Variants in LRMDA observed in about 807,000 individuals in gnomAD.
The protein encoded by LRMDA is leucine-rich melanocyte differentiation-associated protein.
Under a neutral mutation model 29.8 loss-of-function variants are expected in LRMDA, and 18 were observed. The observed-to-expected ratio is 0.60, with a 90% CI of 0.42 to 0.90. LRMDA has a LOEUF of 0.90. Among genes scored for constraint, LRMDA ranks in the 40% least tolerant of loss-of-function variants. The pLI is 0.00. For synonymous variants in LRMDA, 125 were observed against 109.4 expected (o/e 1.14, Z -0.89); for missense variants, 273 against 273.9 (o/e 1.00, Z 0.02).
At position 76,232,682 on chromosome 10, in the gene LRMDA, G is replaced by A. The variant is rs570178958; in HGVS notation, c.517-91719G>A. ...ACGGCCTAAGTCTGGCTTACACACT[G>A]GTTCCCGAGTTCTTGTCTTGCACCC... On this transcript the variant is annotated intron_variant, in intron 5 of 6. Transcript: ENST00000611255. 2.0e-5 allele frequency among the ~76,000 whole-genome samples: 3 copies of A among 152,288 alleles called. No individual in the cohort carries two copies. In the South Asian group the frequency reaches 6.2e-4, roughly 32 times the overall value.
At chr10:75,508,725 T>C (rs1227394255) in intron 2 of LRMDA, among the ~76,000 whole-genome samples, 2 of 152,208 alleles carry the variant, frequency 1.3e-5, no homozygotes, top group Non-Finnish European at 2.9e-5. Context: ...GAGGCTCCCC[T>C]AACAGCGTTT....
chr10:75,709,386 G>A (rs1842408737), intron 2 of LRMDA, among the ~76,000 whole-genome samples: 1 of 151,886 alleles, frequency 6.6e-6, no homozygotes, highest in Non-Finnish European at 1.5e-5. Flanking sequence ...GCGTATGTGT[G>A]CCTGTGTGTG....
chr10:75,448,489 G>A (rs1405798571), intron 2 of LRMDA, among the ~76,000 whole-genome samples: 1 of 152,178 alleles, frequency 6.6e-6, no homozygotes, highest in Non-Finnish European at 1.5e-5. Flanking sequence ...AAGGAGACTG[G>A]AGAATTTAAC....
At chr10:76,542,070 TG>T (rs1284302967) in intron 6 of LRMDA, among the ~76,000 whole-genome samples, 225 of 152,176 alleles carry the variant, frequency 1.5e-3, no homozygotes, top group African/African-American at 5.1e-3. Flanking sequence ...TGTGTGTGTG[TG>T]TGTGTGTGTA....
chr10:75,811,160 A>G (rs1023234655), intron 2 of LRMDA, among the ~76,000 whole-genome samples: 2 of 152,166 alleles, frequency 1.3e-5, no homozygotes, highest in African/African-American at 4.8e-5. Flanking sequence ...TCCCTTCTTA[A>G]TAGGAGATTC....
At chr10:76,000,920 C>G (rs1042938523) in intron 2 of LRMDA, among the ~76,000 whole-genome samples, 1 of 152,158 alleles carries the variant, frequency 6.6e-6, no homozygotes, top group African/African-American at 2.4e-5. Flanking sequence ...TTCACATGCA[C>G]CATTAGAAAA....
chr10:76,511,144 T>A (rs749013261), intron 6 of LRMDA, among the ~76,000 whole-genome samples: 1 of 152,162 alleles, frequency 6.6e-6, no homozygotes, highest in Non-Finnish European at 1.5e-5. Context: ...ATGCCACACA[T>A]GCATGAAGAG....
At chr10:76,429,926 G>A (rs1589182353) in intron 6 of LRMDA, among the ~76,000 whole-genome samples, 1 of 152,242 alleles carries the variant, frequency 6.6e-6, no homozygotes, top group East Asian at 1.9e-4. Context: ...AAGCAAATGT[G>A]AGAGAACCAG....
intron 6 of LRMDA, among the ~76,000 whole-genome samples, chr10:76,378,645 G>A (rs1161078278): frequency 6.6e-6 from 1 of 151,610 alleles, no homozygotes; most frequent in Non-Finnish European, 1.5e-5. Flanking sequence ...ATAATCATAT[G>A]GCTTTTGTTT....
At chr10:75,466,683 C>G (rs555563293) in intron 2 of LRMDA, among the ~76,000 whole-genome samples, 33 of 152,254 alleles carry the variant, frequency 2.2e-4, no homozygotes, top group African/African-American at 5.3e-4. Context: ...GCCCTGCCCC[C>G]TCCTCAGCAT....
intron 5 of LRMDA, among the ~76,000 whole-genome samples, chr10:76,299,191 A>ATGTGTG: frequency 8.8e-6 from 1 of 114,130 alleles, no homozygotes; most frequent in Non-Finnish European, 1.7e-5. Context: ...GTGTGTGTGC[A>ATGTGTG]TGCACGCACG....
intron 2 of LRMDA, among the ~76,000 whole-genome samples, chr10:75,650,393 A>G (rs939484370): frequency 6.6e-6 from 1 of 152,066 alleles, no homozygotes; most frequent in African/African-American, 2.4e-5. Context: ...TAACCTTGTC[A>G]AAATCATTTG....
chr10:75,679,336 A>G (rs900198988), intron 2 of LRMDA, among the ~76,000 whole-genome samples: 2 of 152,148 alleles, frequency 1.3e-5, no homozygotes, highest in Admixed American at 6.6e-5. Context: ...CTGCGACCTC[A>G]GAGAGTAGGC....
chr10:76,318,014 C>T (rs1022301695), intron 5 of LRMDA, among the ~76,000 whole-genome samples: 1 of 152,152 alleles, frequency 6.6e-6, no homozygotes, highest in Admixed American at 6.5e-5. Flanking sequence ...ATTTCTCTCT[C>T]CTTTGTACTT....
intron 2 of LRMDA, among the ~76,000 whole-genome samples, chr10:75,467,754 C>A (rs1028198358): frequency 6.6e-6 from 1 of 151,896 alleles, no homozygotes; most frequent in Non-Finnish European, 1.5e-5. Context: ...TGAGGTCAAG[C>A]GATTGAGACC....
chr10:76,367,607 A>G (rs1841406214), intron 6 of LRMDA, among the ~76,000 whole-genome samples: 1 of 151,868 alleles, frequency 6.6e-6, no homozygotes. Flanking sequence ...TATTTTTATT[A>G]GAGATGGGGT....
chr10:76,331,565 G>T (rs992164776), intron 6 of LRMDA, among the ~76,000 whole-genome samples: 11 of 152,044 alleles, frequency 7.2e-5, no homozygotes, highest in African/African-American at 2.2e-4. Flanking sequence ...AAAGAAAAAA[G>T]AAAAAAACCT....
intron 2 of LRMDA, among the ~76,000 whole-genome samples, chr10:76,017,947 ATCTTG>A (rs918240719): frequency 5.3e-5 from 8 of 152,180 alleles, no homozygotes; most frequent in African/African-American, 1.7e-4. Flanking sequence ...CAGTCTGTCA[ATCTTG>A]TCTTCTCCCA....
chr10:76,313,315 A>G (rs1029924431), intron 5 of LRMDA, among the ~76,000 whole-genome samples: 3 of 152,248 alleles, frequency 2.0e-5, no homozygotes, highest in African/African-American at 7.2e-5. Flanking sequence ...CTAATTAAAA[A>G]TGCTAATAAA....
Sources: gnomAD v4.1 joint callset for allele counts (sites outside exome capture counted in the v4.1 genomes callset) on GRCh38, gnomAD v4.1.1 for gene constraint, MANE v1.5 for transcripts, NCBI Gene and HGNC (gene_info 2026-07-23, HGNC 2026-07-21) for gene names.